FCRL5: variants seen among roughly 807,000 people sequenced by gnomAD.
FCRL5 encodes the protein Fc receptor like 5, also known as Fc receptor-like protein 5.
In FCRL5, 79 loss-of-function variants were observed where a neutral mutation model predicts 92.1. The ratio of observed to expected loss-of-function variants is 0.86; its 90% CI spans 0.72 to 1.03. FCRL5 has a LOEUF of 1.03. FCRL5 is among the 50% of genes least tolerant of loss of function. The pLI is 0.00. For synonymous variants in FCRL5, 466 were observed against 469.3 expected, an observed-to-expected ratio of 0.99 and a Z score of 0.09; for missense variants, 1,160 against 1,181.1, an observed-to-expected ratio of 0.98 and a Z score of 0.26.
intron 5 of FCRL5, 64 bp from the exon 6 acceptor site, chr1:157,543,201 G>A (rs917210017): frequency 2.0e-6 from 3 of 1,519,508 alleles, no homozygotes; most frequent in Non-Finnish European, 2.7e-6. Flanking sequence ...ACAAGGCATG[G>A]CCAGTGCAAA....
At chr1:157,521,377 G>A (rs1339137292) in intron 10 of FCRL5, 85 bp from the exon 11 acceptor site, 2 of 1,447,604 alleles carry the variant, frequency 1.4e-6, no homozygotes, top group Non-Finnish European at 9.2e-7. Context: ...AATGTAAAAA[G>A]TCATATCTCA....
At chr1:157,535,009 G>A in intron 7 of FCRL5, 117 bp from the exon 8 acceptor site, 1 of 944,828 alleles carries the variant, frequency 1.1e-6, no homozygotes, top group Admixed American at 3.1e-5. Flanking sequence ...CACCTACCTG[G>A]AGGGCAGCCA....
intron 8 of FCRL5, chr1:157,534,082 A>G (rs1251675843): frequency 4.1e-6 from 1 of 242,214 alleles, no homozygotes; most frequent in East Asian, 9.4e-5. Context: ...TTTTAAAATA[A>G]TACAATAAAA....
chr1:157,518,173 G>A (rs1040748331), intron 15 of FCRL5, among the ~76,000 whole-genome samples: 1 of 152,336 alleles, frequency 6.6e-6, no homozygotes, highest in East Asian at 1.9e-4. Flanking sequence ...GAAGGTCTGA[G>A]AGGTTAAGCG....
intron 8 of FCRL5, among the ~76,000 whole-genome samples, chr1:157,530,162 C>T (rs928557475): frequency 6.6e-6 from 1 of 152,152 alleles, no homozygotes; most frequent in Non-Finnish European, 1.5e-5. Flanking sequence ...TAAAATCACA[C>T]ACGTGCATGG....
At chr1:157,517,672 C>T (rs548764815) in intron 15 of FCRL5, among the ~76,000 whole-genome samples, 75 of 152,196 alleles carry the variant, frequency 4.9e-4, no homozygotes, top group African/African-American at 1.6e-3. Context: ...GTGAGACCGG[C>T]GTCAGACTTC....
chr1:157,544,664 C>T (rs1242753504), intron 4 of FCRL5, 118 bp from the exon 5 acceptor site: 22 of 1,430,658 alleles, frequency 1.5e-5, no homozygotes, highest in Admixed American at 3.9e-5. Context: ...CCATTGATCC[C>T]TAGCTTCCTT....
chr1:157,537,113 C>A (rs1159352043), intron 7 of FCRL5, among the ~76,000 whole-genome samples: 2 of 152,182 alleles, frequency 1.3e-5, no homozygotes, highest in African/African-American at 4.8e-5. Flanking sequence ...GAAAAAAGAA[C>A]AGGATAACAG....
At chr1:157,519,329 G>T (rs1650073921) in intron 13 of FCRL5, among the ~76,000 whole-genome samples, 2 of 152,178 alleles carry the variant, frequency 1.3e-5, no homozygotes, top group Admixed American at 1.3e-4. Context: ...TCTCTGGGTG[G>T]CCAAGTTGTG....
intron 9 of FCRL5, among the ~76,000 whole-genome samples, chr1:157,526,857 G>C (rs956557898): frequency 6.6e-6 from 1 of 152,116 alleles, no homozygotes; most frequent in Non-Finnish European, 1.5e-5. Context: ...GATAATAAGG[G>C]CTTAAAATTG....
Position 157,520,565 on chromosome 1 carries a change from T to C in FCRL5, c.2516-18A>G. 1 of 1,569,938 alleles carries C rather than the reference T, an allele frequency of 6.4e-7. No homozygotes were observed. The highest frequency in any genetic ancestry group is 8.7e-7 in the Non-Finnish European group (1 of 1,154,086). On this transcript the variant is annotated intron_variant, in intron 11 of 16. Coordinates refer to ENST00000361835, the MANE Select transcript of FCRL5 (RefSeq NM_031281.3). ...GGTCAGCCCTGAGGGGGAGACCCTGTGTGTGAGCCAGAGGAGAGGCTGTGG... is the reference window on the plus strand; with the variant it reads ...GGTCAGCCCTGAGGGGGAGACCCTGCGTGTGAGCCAGAGGAGAGGCTGTGG...
chr1:157,517,529 G>A (rs796750753), intron 15 of FCRL5, among the ~76,000 whole-genome samples: 11 of 152,204 alleles, frequency 7.2e-5, no homozygotes, highest in African/African-American at 2.6e-4. Context: ...GTCAGAAGGA[G>A]GCCTGTCTAT....
At position 157,524,374 on chromosome 1, in the gene FCRL5, A is replaced by G; in HGVS notation, c.2144T>C (p.Leu715Pro). 6.2e-7 allele frequency: 1 copy of G among 1,614,138 alleles called. No individual in the cohort carries two copies. The highest frequency in any genetic ancestry group is 8.5e-7 in the Non-Finnish European group (1 of 1,179,996). The change falls in exon 10 of 17, where the codon CTC becomes CCC. Residue 715 changes from leucine (L) to proline (P), a missense_variant. Physicochemically the swap from Leu to Pro is moderately conservative, Grantham distance 98 (BLOSUM62 -3). Transcript: ENST00000361835. ...TCCAGAATGTTCTGTAGTCAGAGAG[A>G]GGTTGAAGGAGGCCCCTCCTCCAGA... ...APSGGGASFN[L>P]SLTTEHSGIY...
At chr1:157,519,664 G>A (rs1027037408) in intron 13 of FCRL5, 79 bp downstream of exon 13, 2 of 1,478,724 alleles carry the variant, frequency 1.4e-6, no homozygotes, top group East Asian at 2.3e-5. Context: ...CTGTGCTCTT[G>A]GTAATCATCA....
chr1:157,534,426 G>A (rs1010832236), intron 8 of FCRL5, 188 bp downstream of exon 8: 17 of 728,684 alleles, frequency 2.3e-5, no homozygotes, highest in Non-Finnish European at 4.0e-5. Flanking sequence ...CTACTGAGCT[G>A]TTTTAGGGGT....
At chr1:157,543,804 C>T (rs1651386754) in intron 5 of FCRL5, among the ~76,000 whole-genome samples, 1 of 152,110 alleles carries the variant, frequency 6.6e-6, no homozygotes, top group African/African-American at 2.4e-5. Context: ...GAATGGTAAA[C>T]CTCCAGAGTC....
intron 7 of FCRL5, among the ~76,000 whole-genome samples, chr1:157,535,943 G>GTGTTTTTTTTTT (rs1650947449): frequency 1.1e-5 from 1 of 90,008 alleles, no homozygotes; most frequent in Admixed American, 1.6e-4. Context: ...ATGTGACTCA[G>GTGTTTTTTTTTT]TTTTTTTTTT....
In FCRL5 at chr1:157,516,040, C is replaced by G. The variant is rs3925458; in HGVS notation, c.2813-167G>C. Reference sequence around the variant, plus strand: ...TCACCCAGTCCCTCTCCATTCCCAACTCCCTCAGCCTCTCAGCACTGACAG... The same window carrying G: ...TCACCCAGTCCCTCTCCATTCCCAAGTCCCTCAGCCTCTCAGCACTGACAG... On this transcript the variant is annotated intron_variant, in intron 15 of 16. Transcript: ENST00000361835. 3.0e-5 allele frequency: 22 copies of G among 723,850 alleles called. No homozygotes were observed. The East Asian group carries it at 5.9e-4, about 19-fold the overall frequency. The allele number at this position is 723,850 out of a possible 1,614,324, so 44.8% of individuals were successfully genotyped here.
chr1:157,513,463 G>T lies in FCRL5; in HGVS notation c.*2212C>A, dbSNP rs1304044365. 1.3e-5 allele frequency: 2 copies of T among 152,226 alleles called. No homozygotes were observed. The highest frequency in any genetic ancestry group is 2.9e-5 in the Non-Finnish European group (2 of 68,050). The allele number at this position is 152,226 out of a possible 1,614,324, so 9.4% of individuals were successfully genotyped here. A position where few individuals can be genotyped will look rare whatever the true frequency, so the allele number is the denominator to read the frequency against. ...CAAGATCTGCAGTCAGCAAGCTGGAGATCCAGGAGATCCAATAGCATAGTT... is the reference window on the plus strand; with the variant it reads ...CAAGATCTGCAGTCAGCAAGCTGGATATCCAGGAGATCCAATAGCATAGTT... On this transcript the variant is annotated 3_prime_UTR_variant, in exon 17 of 17. Transcript: ENST00000361835.
Sources: gnomAD v4.1 joint callset for allele counts (sites outside exome capture counted in the v4.1 genomes callset) on GRCh38, gnomAD v4.1.1 for gene constraint, MANE v1.5 for transcripts, NCBI Gene and HGNC (gene_info 2026-07-23, HGNC 2026-07-21) for gene names.